Variants in BICDL1 observed in about 807,000 individuals in gnomAD.
BICDL1 encodes BICD family-like cargo adapter 1.
Under a neutral mutation model 76.8 loss-of-function variants are expected in BICDL1, and 20 were observed. The observed-to-expected ratio is 0.26, with a 90% CI of 0.18 to 0.38. The LOEUF is 0.38. Ranked by LOEUF, BICDL1 falls within the 10% of genes least tolerant of loss-of-function variation. The probability of loss-of-function intolerance (pLI) is 1.00; values close to 1 mark genes in which losing one functional copy is unlikely to be tolerated. For synonymous variants in BICDL1, 383 were observed against 337.1 expected, an observed-to-expected ratio of 1.14 and a Z score of -1.49; for missense variants, 700 against 798.6, an observed-to-expected ratio of 0.88 and a Z score of 1.49.
intron 2 of BICDL1, among the ~76,000 whole-genome samples, chr12:120,057,428 T>C (rs1343745965): frequency 6.6e-6 from 1 of 152,186 alleles, no homozygotes; most frequent in Non-Finnish European, 1.5e-5. Flanking sequence ...TCAAAGAACC[T>C]CTGAAATTCA....
intron 2 of BICDL1, among the ~76,000 whole-genome samples, chr12:120,034,820 A>G (rs1193511694): frequency 6.6e-6 from 1 of 152,196 alleles, no homozygotes; most frequent in Non-Finnish European, 1.5e-5. Flanking sequence ...GTCCATAGGC[A>G]GTTCACAACA....
intron 2 of BICDL1, among the ~76,000 whole-genome samples, chr12:120,030,406 A>G (rs1412026001): frequency 1.3e-5 from 2 of 152,168 alleles, no homozygotes; most frequent in Admixed American, 1.3e-4. Flanking sequence ...TCCTGAAGAG[A>G]TGGGTGTATT....
chr12:120,040,162 G>A (rs1298351621), intron 2 of BICDL1, among the ~76,000 whole-genome samples: 1 of 151,832 alleles, frequency 6.6e-6, no homozygotes, highest in Non-Finnish European at 1.5e-5. Flanking sequence ...GAGTGCAGTG[G>A]TGCAATTTCT....
At position 120,090,001 on chromosome 12, in the gene BICDL1, C is replaced by T. The variant is rs771140625; in HGVS notation, c.1634C>T (p.Ser545Phe). The part of the protein sequence containing the change: ...ELAKCRMDMM[S>F]LNSQLLDAIQ... ...GCCAAGTGCAGGATGGATATGATGT[C>T]TCTGAACAGCCAGTTGCTGGATGCC... Residue 545 changes from serine (S) to phenylalanine (F), a missense_variant, in exon 9 of 10, where the codon TCT becomes TTT. This residue lies in a region of BICDL1 where 455 missense variants were observed against 548.7 expected (regional missense o/e 0.83). Coordinates refer to ENST00000548673, the MANE Select transcript of BICDL1 (RefSeq NM_001367886.1). 9.9e-6 allele frequency: 16 copies of T among 1,614,048 alleles called. No individual in the cohort carries two copies. The highest frequency in any genetic ancestry group is 6.7e-5 in the African/African-American group (5 of 74,916).
At chr12:120,012,556 C>T (rs919285254) in intron 2 of BICDL1, among the ~76,000 whole-genome samples, 2 of 152,170 alleles carry the variant, frequency 1.3e-5, no homozygotes, top group Non-Finnish European at 2.9e-5. Flanking sequence ...ATGACACTGT[C>T]CTGGTCAGGC....
chr12:120,021,283 C>CAA (rs370578617), intron 2 of BICDL1, among the ~76,000 whole-genome samples: 4 of 132,640 alleles, frequency 3.0e-5, no homozygotes, highest in African/African-American at 5.6e-5. Flanking sequence ...GACTCCATCT[C>CAA]AAAAAAAAAA....
chr12:120,036,522 G>A (rs1952534076), intron 2 of BICDL1, among the ~76,000 whole-genome samples: 1 of 152,150 alleles, frequency 6.6e-6, no homozygotes, highest in Non-Finnish European at 1.5e-5. Flanking sequence ...CTGGTCTAAA[G>A]CCTGTTCTTT....
At position 120,079,436 on chromosome 12, in the gene BICDL1, G is replaced by C. The variant is rs1873803949; in HGVS notation, c.1453-1451G>C. Among the ~76,000 whole-genome samples the C allele has an allele frequency of 6.6e-6, 1 of 152,232 alleles. No individual in the cohort carries two copies. ...GATTAGACCTGGGACTTGAAGAACA[G>C]AGGAGTATGCTGAAAGGTGGCATTT... On this transcript the variant is annotated intron_variant, in intron 7 of 9. Coordinates refer to ENST00000548673, the MANE Select transcript of BICDL1 (RefSeq NM_001367886.1). The surrounding 1 kb of genome is among the most constrained non-coding windows in gnomAD (Gnocchi z 4.3).
At chr12:120,090,134 A>G (rs1189121453) in intron 9 of BICDL1, 63 bp downstream of exon 9, 2 of 1,590,966 alleles carry the variant, frequency 1.3e-6, no homozygotes, top group East Asian at 4.5e-5. Flanking sequence ...GAACCCAGGC[A>G]GAGTGTAAGG....
At chr12:120,031,984 G>A (rs1952433221) in intron 2 of BICDL1, among the ~76,000 whole-genome samples, 1 of 152,100 alleles carries the variant, frequency 6.6e-6, no homozygotes, top group African/African-American at 2.4e-5. Context: ...CAGCTACTTG[G>A]GAGGCTTAGG....
chr12:120,061,403 G>A (rs1444888263), intron 2 of BICDL1, among the ~76,000 whole-genome samples: 1 of 152,058 alleles, frequency 6.6e-6, no homozygotes, highest in African/African-American at 2.4e-5. Context: ...TTAGATATTT[G>A]CTGAGTTTCT....
chr12:120,083,641 T>G (rs1212774754), intron 8 of BICDL1, among the ~76,000 whole-genome samples: 3 of 118,596 alleles, frequency 2.5e-5, no homozygotes, highest in Non-Finnish European at 5.3e-5. Context: ...ATTTATTTAT[T>G]TATTTATTTA....
chr12:120,088,058 A>C lies in BICDL1; in HGVS notation c.1584-1893A>C, dbSNP rs1594220678. Among the ~76,000 whole-genome samples the C allele has an allele frequency of 2.0e-5, 3 of 152,212 alleles. No individual in the cohort carries two copies. The East Asian group carries it at 5.8e-4, about 29-fold the overall frequency. On this transcript the variant is annotated intron_variant, in intron 8 of 9. Transcript: ENST00000548673. ...GATCTCCTACCTCAGCCTCCTGAGT[A>C]GCTGGGATTACAGGCAGCATGCGCC...
chr12:120,061,011 G>A (rs1447294003), intron 2 of BICDL1, among the ~76,000 whole-genome samples: 2 of 152,172 alleles, frequency 1.3e-5, no homozygotes, highest in East Asian at 3.9e-4. Context: ...CCCTCAGTAG[G>A]GTCTGGGCTG....
chr12:120,077,716 G>T (rs1374293249), intron 7 of BICDL1, among the ~76,000 whole-genome samples: 4 of 152,106 alleles, frequency 2.6e-5, no homozygotes, highest in Non-Finnish European at 5.9e-5. Context: ...CGTCCTCCTA[G>T]CTCCTGCCCT....
At chr12:120,080,425 G>A (rs1873877672) in intron 7 of BICDL1, among the ~76,000 whole-genome samples, 1 of 152,204 alleles carries the variant, frequency 6.6e-6, no homozygotes, top group Non-Finnish European at 1.5e-5. Context: ...GGCTGTCACG[G>A]GGGAGCAGGG....
intron 1 of BICDL1, among the ~76,000 whole-genome samples, chr12:119,991,876 A>G (rs1951531578): frequency 6.6e-6 from 1 of 152,254 alleles, no homozygotes; most frequent in African/African-American, 2.4e-5. Flanking sequence ...TAACAAAAAA[A>G]GGTTGTATTG....
At chr12:120,021,586 CAAAAA>C (rs145151630) in intron 2 of BICDL1, among the ~76,000 whole-genome samples, 2 of 46,310 alleles carry the variant, frequency 4.3e-5, no homozygotes, top group South Asian at 9.1e-4. Flanking sequence ...GACTCCATCT[CAAAAA>C]AAAAAAAAAA....
At chr12:120,039,420 A>T (rs966811695) in intron 2 of BICDL1, among the ~76,000 whole-genome samples, 2 of 150,316 alleles carry the variant, frequency 1.3e-5, no homozygotes, top group African/African-American at 2.4e-5. Flanking sequence ...TGGGCGGATT[A>T]TGAGGTCAGG....
Sources: gnomAD v4.1 joint callset for allele counts (sites outside exome capture counted in the v4.1 genomes callset) on GRCh38, gnomAD v4.1.1 for gene constraint, gnomAD v4.1.1 regional missense constraint, Gnocchi (gnomAD v3.1) non-coding constraint, MANE v1.5 for transcripts, NCBI Gene and HGNC (gene_info 2026-07-23, HGNC 2026-07-21) for gene names.